The following LUZP1 variants were observed in gnomAD, a reference collection of about 807,000 sequenced individuals.
LUZP1 encodes the protein leucine zipper protein 1.
Under a neutral mutation model 71.3 loss-of-function variants are expected in LUZP1, and 25 were observed. The ratio of observed to expected loss-of-function variants is 0.35; its 90% CI spans 0.26 to 0.49. LUZP1 has a LOEUF of 0.49. LUZP1 is among the 20% of genes least tolerant of loss of function. LUZP1 has a pLI of 0.99. For synonymous variants in LUZP1, 481 were observed against 506.4 expected, an observed-to-expected ratio of 0.95 and a Z score of 0.67; for missense variants, 1,142 against 1,300.8, an observed-to-expected ratio of 0.88 and a Z score of 1.88.
intron 2 of LUZP1, among the ~76,000 whole-genome samples, chr1:23,136,744 T>C (rs1644257475): frequency 6.6e-6 from 1 of 151,932 alleles, no homozygotes; most frequent in Admixed American, 6.6e-5. Context: ...CTGTCTCTAC[T>C]AAAAATACTA....
intron 2 of LUZP1, among the ~76,000 whole-genome samples, chr1:23,125,518 T>G (rs1644165273): frequency 6.6e-6 from 1 of 152,194 alleles, no homozygotes; most frequent in South Asian, 2.1e-4. Context: ...GGTAAATAAC[T>G]AGAATTTTCA....
chr1:23,173,746 G>T (rs1460579230), intron 1 of LUZP1, among the ~76,000 whole-genome samples: 1 of 151,976 alleles, frequency 6.6e-6, no homozygotes, highest in Non-Finnish European at 1.5e-5. Flanking sequence ...CAGCTACAAG[G>T]TATACCAGCA....
chr1:23,118,189 G>A (rs1644101277), intron 2 of LUZP1, among the ~76,000 whole-genome samples: 1 of 152,020 alleles, frequency 6.6e-6, no homozygotes, highest in Admixed American at 6.6e-5. Flanking sequence ...ATCACTTGAG[G>A]TCAGGAGTTC....
At chr1:23,147,372 C>T (rs1644351740) in intron 2 of LUZP1, among the ~76,000 whole-genome samples, 1 of 148,598 alleles carries the variant, frequency 6.7e-6, no homozygotes, top group African/African-American at 2.5e-5. Flanking sequence ...ACTCAGGAGG[C>T]AGAAGTTGCA....
chr1:23,140,515 G>A (rs944381998), intron 2 of LUZP1: 1 of 152,154 alleles, frequency 6.6e-6, no homozygotes, highest in Admixed American at 6.5e-5. Flanking sequence ...GCAATGCCTT[G>A]TGGGAAAGTG....
intron 2 of LUZP1, among the ~76,000 whole-genome samples, chr1:23,121,841 C>T (rs1475906110): frequency 6.6e-6 from 1 of 151,952 alleles, no homozygotes; most frequent in African/African-American, 2.4e-5. Context: ...GTGAAACCCC[C>T]CCTCTACTAA....
chr1:23,125,076 C>T (rs928868621), intron 2 of LUZP1, among the ~76,000 whole-genome samples: 1 of 152,154 alleles, frequency 6.6e-6, no homozygotes, highest in African/African-American at 2.4e-5. Flanking sequence ...AATCATACTA[C>T]TAGGAAGTGG....
chr1:23,142,957 TC>T (rs1644316608), intron 2 of LUZP1, among the ~76,000 whole-genome samples: 1 of 151,534 alleles, frequency 6.6e-6, no homozygotes, highest in East Asian at 1.9e-4. Flanking sequence ...TCGCTTGAGC[TC>T]AGGAGTTTGA....
At chr1:23,123,510 A>G (rs530155800) in intron 2 of LUZP1, among the ~76,000 whole-genome samples, 5 of 144,114 alleles carry the variant, frequency 3.5e-5, no homozygotes, top group East Asian at 2.0e-4. Context: ...AAAAAAAAAA[A>G]GCATCATTAG....
chr1:23,133,796 T>G (rs956637783), intron 2 of LUZP1: 1 of 148,516 alleles, frequency 6.7e-6, no homozygotes, highest in South Asian at 2.2e-4. Flanking sequence ...AATAAATAAA[T>G]AAATAAAGAG....
chr1:23,090,504 C>G (rs1020476554), intron 4 of LUZP1: 12 of 213,134 alleles, frequency 5.6e-5, no homozygotes, highest in Non-Finnish European at 8.4e-5. Context: ...AGATGCTGTT[C>G]TGACACCCTG....
intron 2 of LUZP1, among the ~76,000 whole-genome samples, chr1:23,168,521 C>G (rs1644529220): frequency 6.6e-6 from 1 of 151,094 alleles, no homozygotes; most frequent in Admixed American, 6.6e-5. Context: ...TCCTCAGAGT[C>G]TCTTCCTCCA....
intron 2 of LUZP1, among the ~76,000 whole-genome samples, chr1:23,158,844 G>A (rs1323718227): frequency 1.3e-5 from 2 of 150,074 alleles, no homozygotes; most frequent in Non-Finnish European, 3.0e-5. Context: ...GCAGGTGCCT[G>A]TAATCCCAGC....
At chr1:23,123,116 A>G (rs991273307) in intron 2 of LUZP1, among the ~76,000 whole-genome samples, 3 of 152,212 alleles carry the variant, frequency 2.0e-5, no homozygotes, top group Admixed American at 1.3e-4. Flanking sequence ...ATAGAGCTAG[A>G]CTATACTTTA....
At chr1:23,127,092 A>G (rs1367009998) in intron 2 of LUZP1, among the ~76,000 whole-genome samples, 2 of 152,206 alleles carry the variant, frequency 1.3e-5, no homozygotes, top group Admixed American at 6.5e-5. Flanking sequence ...GTCAAGACTC[A>G]GTAACTCTCA....
chr1:23,149,723 C>T (rs1270156141), intron 2 of LUZP1, among the ~76,000 whole-genome samples: 2 of 151,726 alleles, frequency 1.3e-5, no homozygotes, highest in African/African-American at 4.8e-5. Context: ...GCCTATAATC[C>T]CAGCACTTTG....
chr1:23,177,988 C>T (rs1644593480), upstream of LUZP1, among the ~76,000 whole-genome samples: 1 of 152,220 alleles, frequency 6.6e-6, no homozygotes, highest in Non-Finnish European at 1.5e-5. Flanking sequence ...CCTCCTACCC[C>T]GGGAGCGCAG....
At chr1:23,176,857 G>A (rs1644584910) in intron 1 of LUZP1, among the ~76,000 whole-genome samples, 1 of 151,618 alleles carries the variant, frequency 6.6e-6, no homozygotes, top group Non-Finnish European at 1.5e-5. Flanking sequence ...AAGCAGACTT[G>A]GAGAGCTATA....
In LUZP1 at chr1:23,104,342, G is replaced by A. The variant is rs150126818; in HGVS notation, c.-120+4680C>T. ...TGGGATTACAGGTGTGCGCCACCAC[G>A]CCCAGCTAATTTTTCTATTTTTAGT... On this transcript the variant is annotated intron_variant, in intron 3 of 4. Coordinates refer to ENST00000302291, the Ensembl canonical transcript of LUZP1. Among the ~76,000 whole-genome samples the A allele has an allele frequency of 5.9e-3, 895 of 151,850 alleles. 9 individuals are homozygous for A. Among genetic ancestry groups the A allele is most frequent in the African/African-American group, 0.02 (815 of 41,396 alleles).
Sources: gnomAD v4.1 joint callset for allele counts (sites outside exome capture counted in the v4.1 genomes callset) on GRCh38, gnomAD v4.1.1 for gene constraint, MANE v1.5 for transcripts, NCBI Gene and HGNC (gene_info 2026-07-23, HGNC 2026-07-21) for gene names.